TNKS: variants seen among roughly 807,000 people sequenced by gnomAD.
The protein encoded by TNKS is tankyrase.
TNKS carries 72 observed loss-of-function variants against 135.8 expected under a neutral mutation model. That is an observed-to-expected ratio of 0.53 (90% CI 0.44 to 0.64). The LOEUF (loss-of-function observed/expected upper bound fraction) is 0.64, where lower values mean the gene tolerates loss of function less well. Ranked by LOEUF, TNKS falls within the 30% of genes least tolerant of loss-of-function variation. The pLI, the probability that TNKS is intolerant of heterozygous loss-of-function variation, is 0.00. For missense variants in TNKS, 1,769 were observed against 1,674.0 expected (o/e 1.06, Z -0.99); for synonymous variants, 849 against 649.3 (o/e 1.31, Z -4.68).
At chr8:9,756,263 C>T (rs1183952141) in intron 20 of TNKS, among the ~76,000 whole-genome samples, 1 of 151,968 alleles carries the variant, frequency 6.6e-6, no homozygotes, top group East Asian at 1.9e-4. Flanking sequence ...CTTATTACTC[C>T]TGCTGTACCA....
At position 9,673,442 on chromosome 8, in the gene TNKS, A is replaced by ATT. The variant is rs71201963; in HGVS notation, c.995-6490_995-6489dup. ...GTATTTGGGGCCTTTTACCTTTTGG[A>ATT]TTTTTTTTTTTTTTTTTTTTGAGCA... On this transcript the variant is annotated intron_variant, in intron 3 of 26. Transcript: ENST00000310430. 1.5e-3 allele frequency among the ~76,000 whole-genome samples: 189 copies of ATT among 125,388 alleles called. 1 individual carries two copies. Among genetic ancestry groups the ATT allele is most frequent in the East Asian group, 5.2e-3 (22 of 4,244 alleles). The allele number at this position is 125,388 out of a possible 152,430, so 82.3% of individuals were successfully genotyped here. A position where few individuals can be genotyped will look rare whatever the true frequency, so the allele number is the denominator to read the frequency against.
chr8:9,610,215 A>T (rs921906671), intron 2 of TNKS, among the ~76,000 whole-genome samples: 1 of 152,174 alleles, frequency 6.6e-6, no homozygotes, highest in African/African-American at 2.4e-5. Context: ...GAAAAATAAA[A>T]TACATTAGCT....
In TNKS at chr8:9,595,968, T is replaced by TG. The variant is rs1324499615; in HGVS notation, c.898+15590dup. 6.6e-5 allele frequency among the ~76,000 whole-genome samples: 10 copies of TG among 152,104 alleles called. No individual in the cohort carries two copies. In the East Asian group the frequency reaches 1.9e-3, roughly 29 times the overall value. On this transcript the variant is annotated intron_variant, in intron 2 of 26. Transcript: ENST00000310430. ...CTCTACAAAAAATTTAAAAATTAGC[T>TG]GGGGGTGGTGGCACACACCTGTGGT... is the stretch of plus-strand genomic sequence containing the variant.
intron 3 of TNKS, among the ~76,000 whole-genome samples, chr8:9,677,482 C>G (rs1802594587): frequency 6.6e-6 from 1 of 152,100 alleles, no homozygotes; most frequent in African/African-American, 2.4e-5. Context: ...TCATGTTTCA[C>G]TACGACTTAA....
At chr8:9,623,777 A>G (rs1799954392) in intron 3 of TNKS, among the ~76,000 whole-genome samples, 1 of 152,124 alleles carries the variant, frequency 6.6e-6, no homozygotes, top group African/African-American at 2.4e-5. Context: ...CAAGGCAGGC[A>G]GATCACTTGA....
chr8:9,756,740 T>G (rs945681253), intron 20 of TNKS, among the ~76,000 whole-genome samples: 2 of 152,180 alleles, frequency 1.3e-5, no homozygotes, highest in Admixed American at 6.5e-5. Flanking sequence ...CTTTCATTCC[T>G]TTTATTTTAA....
rs376591741 is a variant in TNKS, at chr8:9,777,494, T to TCAAAGC, written c.*760_*765dup. 9.9e-4 allele frequency: 151 copies of TCAAAGC among 152,336 alleles called. No homozygotes were observed. Among genetic ancestry groups the TCAAAGC allele is most frequent in the African/African-American group, 3.4e-3 (142 of 41,546 alleles). 9.4% of individuals were successfully genotyped at this position (152,336 alleles called of 1,614,324 possible). A position where few individuals can be genotyped will look rare whatever the true frequency, so the allele number is the denominator to read the frequency against. On this transcript the variant is annotated 3_prime_UTR_variant, in exon 27 of 27. Coordinates refer to ENST00000310430, the MANE Select transcript of TNKS (RefSeq NM_003747.3). ...TTAGGAACGCCTAAATTCAGAGAAGTCAAAGCCGGTGAAGGCCACTTGCTC... is the reference window on the plus strand; with the variant it reads ...TTAGGAACGCCTAAATTCAGAGAAGTCAAAGCCAAAGCCGGTGAAGGCCACTTGCTC...
At chr8:9,617,256 A>C (rs549908273) in intron 3 of TNKS, among the ~76,000 whole-genome samples, 3 of 152,228 alleles carry the variant, frequency 2.0e-5, no homozygotes, top group African/African-American at 4.8e-5. Flanking sequence ...TTGTGGAGAC[A>C]CAAGATTCCT....
intron 1 of TNKS, among the ~76,000 whole-genome samples, chr8:9,562,483 A>G (rs1335597820): frequency 6.6e-6 from 1 of 152,138 alleles, no homozygotes; most frequent in African/African-American, 2.4e-5. Flanking sequence ...ATGTGACTAT[A>G]TCCACTTCAG....
intron 17 of TNKS, among the ~76,000 whole-genome samples, chr8:9,745,375 T>C (rs1474123996): frequency 6.6e-6 from 1 of 152,132 alleles, no homozygotes; most frequent in Admixed American, 6.5e-5. Flanking sequence ...ATTATGCTGC[T>C]TATTTATTTT....
intron 26 of TNKS, among the ~76,000 whole-genome samples, chr8:9,772,831 CTGTGTGTGTG>C (rs71201974): frequency 6.9e-4 from 82 of 119,120 alleles, no homozygotes; most frequent in East Asian, 3.3e-3. Context: ...GTGTGTGTGT[CTGTGTGTGTG>C]TGTGTGTGTG....
intron 3 of TNKS, among the ~76,000 whole-genome samples, chr8:9,623,294 G>A (rs1799933782): frequency 6.6e-6 from 1 of 152,202 alleles, no homozygotes; most frequent in Admixed American, 6.5e-5. Context: ...CTATTGATAG[G>A]TAAGAGGTAG....
chr8:9,780,827 A>G lies in TNKS; in HGVS notation c.*4091A>G, dbSNP rs1021333603. Reference sequence around the variant, plus strand: ...AGTAATATTCCCTTACATGCAATGGAGCTGATTAAAATTAATCCATTTCAA... The same window carrying G: ...AGTAATATTCCCTTACATGCAATGGGGCTGATTAAAATTAATCCATTTCAA... On this transcript the variant is annotated 3_prime_UTR_variant, in exon 27 of 27. Coordinates refer to ENST00000310430, the MANE Select transcript of TNKS (RefSeq NM_003747.3). The G allele has an allele frequency of 2.0e-5, 3 of 152,178 alleles. No individual in the cohort carries two copies. The highest frequency in any genetic ancestry group is 7.2e-5 in the African/African-American group (3 of 41,436). 9.4% of individuals were successfully genotyped at this position (152,178 alleles called of 1,614,324 possible). A position where few individuals can be genotyped will look rare whatever the true frequency, so the allele number is the denominator to read the frequency against.
In TNKS at chr8:9,749,471, C is replaced by CT. The variant is rs68021813; in HGVS notation, c.2832+1273dup. On this transcript the variant is annotated intron_variant, in intron 18 of 26. Transcript: ENST00000310430. ...CTTTTTTTTTCCTTTTTTTTCTTTT[C>CT]TTTTTTTTTTTTTTCCCCCTTAAGA... 1.3e-3 allele frequency among the ~76,000 whole-genome samples: 179 copies of CT among 137,496 alleles called. 1 individual carries two copies. The highest frequency in any genetic ancestry group is 9.9e-3 in the East Asian group (47 of 4,742). 90.2% of individuals were successfully genotyped at this position (137,496 alleles called of 152,430 possible). A position where few individuals can be genotyped will look rare whatever the true frequency, so the allele number is the denominator to read the frequency against.
intron 3 of TNKS, among the ~76,000 whole-genome samples, chr8:9,633,632 A>G (rs1210437380): frequency 6.6e-6 from 1 of 152,152 alleles, no homozygotes; most frequent in African/African-American, 2.4e-5. Flanking sequence ...ATGATAAGCC[A>G]TTTTCAAGAT....
intron 1 of TNKS, among the ~76,000 whole-genome samples, chr8:9,572,782 G>C (rs936463414): frequency 6.6e-6 from 1 of 152,156 alleles, no homozygotes; most frequent in Non-Finnish European, 1.5e-5. Flanking sequence ...GTGAATTACT[G>C]TGTTTAGTGG....
At chr8:9,606,961 T>C (rs1459651199) in intron 2 of TNKS, among the ~76,000 whole-genome samples, 3 of 152,174 alleles carry the variant, frequency 2.0e-5, no homozygotes, top group Non-Finnish European at 4.4e-5. Flanking sequence ...TCTGCAGACC[T>C]TGTTTTGCCT....
chr8:9,704,545 A>T (rs1803960217), intron 5 of TNKS, 118 bp from the exon 6 acceptor site: 1 of 759,326 alleles, frequency 1.3e-6, no homozygotes. Context: ...TGAATTTTTG[A>T]CATTTCAGCG....
chr8:9,626,880 A>G (rs761307889), intron 3 of TNKS, among the ~76,000 whole-genome samples: 2 of 152,212 alleles, frequency 1.3e-5, no homozygotes, highest in Non-Finnish European at 2.9e-5. Flanking sequence ...CTGGCATACA[A>G]TTCCTAAAAA....
Sources: allele counts gnomAD v4.1 joint callset (sites outside exome capture counted in the v4.1 genomes callset), GRCh38; gene constraint gnomAD v4.1.1; transcripts MANE v1.5; gene names NCBI Gene and HGNC (gene_info 2026-07-23, HGNC 2026-07-21).